The following PAG1 variants were observed in gnomAD, a reference collection of about 807,000 sequenced individuals.
PAG1 encodes the protein phosphoprotein associated with glycosphingolipid-enriched microdomains 1.
A neutral mutation model predicts 31.7 loss-of-function variants in PAG1; 23 were observed. The ratio of observed to expected loss-of-function variants is 0.73; its 90% CI spans 0.52 to 1.03. The LOEUF is 1.03. Ranked by LOEUF, PAG1 falls within the 50% of genes least tolerant of loss-of-function variation. PAG1 has a pLI of 0.00. For missense variants in PAG1, 473 were observed against 540.7 expected, an observed-to-expected ratio of 0.87 and a Z score of 1.24; for synonymous variants, 214 against 210.3, an observed-to-expected ratio of 1.02 and a Z score of -0.15.
In PAG1 at chr8:81,012,431, T is replaced by G. The variant is rs560116476; in HGVS notation, c.-81+17565A>C. 4.6e-5 allele frequency among the ~76,000 whole-genome samples: 7 copies of G among 152,350 alleles called. 1 individual carries two copies. Among genetic ancestry groups the G allele is most frequent in the South Asian group, 2.1e-4 (1 of 4,828 alleles). On this transcript the variant is annotated intron_variant, in intron 3 of 8. Coordinates refer to ENST00000220597, the MANE Select transcript of PAG1 (RefSeq NM_018440.4). ...TGCCATTCAGCATAGAAAAGTATAT[T>G]TGAAACCCCTACCAAAATCAGCTAC...
In PAG1 at chr8:80,980,501, G is replaced by C. The variant is rs1563614455; in HGVS notation, c.877-7C>G. The C allele has an allele frequency of 6.3e-7, 1 of 1,586,050 alleles. No individual in the cohort carries two copies. The highest frequency in any genetic ancestry group is 2.2e-5 in the East Asian group (1 of 44,726). On this transcript the variant is annotated splice_region_variant and splice_polypyrimidine_tract_variant and intron_variant, in intron 7 of 8. Coordinates refer to ENST00000220597, the MANE Select transcript of PAG1 (RefSeq NM_018440.4). ...ATGACAATGAGCTAAATCTCTGTCA[G>C]AACAAACACAAGCCAAGGAAAGTAA...
At chr8:81,034,370 C>A (rs1808428475) in intron 2 of PAG1, among the ~76,000 whole-genome samples, 1 of 152,344 alleles carries the variant, frequency 6.6e-6, no homozygotes, top group Non-Finnish European at 1.5e-5. Flanking sequence ...ACCTCTCTCA[C>A]TCACAGTCCC....
chr8:81,055,749 C>T (rs1469994645), intron 2 of PAG1, among the ~76,000 whole-genome samples: 2 of 152,152 alleles, frequency 1.3e-5, no homozygotes, highest in South Asian at 2.1e-4. Flanking sequence ...CATGATTTGG[C>T]TCTCTGTTTG....
chr8:80,987,992 A>G (rs1231822919), intron 5 of PAG1, among the ~76,000 whole-genome samples: 2 of 152,250 alleles, frequency 1.3e-5, no homozygotes, highest in African/African-American at 2.4e-5. Flanking sequence ...CAAGCGCTCA[A>G]TAGCCACATG....
In PAG1 at chr8:80,976,364, G is replaced by T. The variant is rs756259933; in HGVS notation, c.*180C>A. Reference sequence around the variant, plus strand: ...CAGGGGCACACTCAGGTGCAGCCTAGTCCGTACCTCTCTGTCTCAGAAACT... The same window carrying T: ...CAGGGGCACACTCAGGTGCAGCCTATTCCGTACCTCTCTGTCTCAGAAACT... On this transcript the variant is annotated 3_prime_UTR_variant, in exon 9 of 9. Coordinates refer to ENST00000220597, the MANE Select transcript of PAG1 (RefSeq NM_018440.4). The T allele has an allele frequency of 4.8e-6, 3 of 629,940 alleles. No individual in the cohort carries two copies. Among genetic ancestry groups the T allele is most frequent in the Non-Finnish European group, 8.1e-6 (3 of 369,624 alleles). 39.0% of individuals were successfully genotyped at this position (629,940 alleles called of 1,614,324 possible). A position where few individuals can be genotyped will look rare whatever the true frequency, so the allele number is the denominator to read the frequency against.
intron 3 of PAG1, among the ~76,000 whole-genome samples, chr8:80,996,136 G>T (rs941924024): frequency 6.6e-6 from 1 of 152,262 alleles, no homozygotes; most frequent in Non-Finnish European, 1.5e-5. Context: ...TGCGGGGGCA[G>T]CTTTCTCCTC....
At chr8:81,027,879 TG>T (rs1322645594) in intron 3 of PAG1, among the ~76,000 whole-genome samples, 1 of 125,694 alleles carries the variant, frequency 8.0e-6, no homozygotes, top group Non-Finnish European at 1.5e-5. Flanking sequence ...CACTCCAGCC[TG>T]GGCGACAGAG....
intron 1 of PAG1, among the ~76,000 whole-genome samples, chr8:81,110,843 C>T (rs1021486531): frequency 6.6e-6 from 1 of 152,196 alleles, no homozygotes; most frequent in Non-Finnish European, 1.5e-5. Context: ...TCAGCATTTT[C>T]AGTAAATACT....
In PAG1 at chr8:80,971,606, G is replaced by A. The variant is rs1807078700; in HGVS notation, c.*4938C>T. ...TAGCACATTTTAAAAAATACCCACA[G>A]TATATAACTGGCAAGCCAAAAAAAC... is the stretch of plus-strand genomic sequence containing the variant. On this transcript the variant is annotated 3_prime_UTR_variant, in exon 9 of 9. Coordinates refer to ENST00000220597, the MANE Select transcript of PAG1 (RefSeq NM_018440.4). 1 of 152,114 alleles carries A rather than the reference G, an allele frequency of 6.6e-6. No individual in the cohort carries two copies. Among genetic ancestry groups the A allele is most frequent in the Non-Finnish European group, 1.5e-5 (1 of 68,010 alleles). 9.4% of individuals were successfully genotyped at this position (152,114 alleles called of 1,614,324 possible). A position where few individuals can be genotyped will look rare whatever the true frequency, so the allele number is the denominator to read the frequency against.
intron 8 of PAG1, among the ~76,000 whole-genome samples, chr8:80,979,196 G>C (rs986665817): frequency 1.3e-5 from 2 of 152,114 alleles, no homozygotes; most frequent in African/African-American, 4.8e-5. Flanking sequence ...GTAAGATAAG[G>C]AGCAATTTAA....
At chr8:81,071,462 A>T (rs972245452) in intron 1 of PAG1, among the ~76,000 whole-genome samples, 4 of 152,170 alleles carry the variant, frequency 2.6e-5, no homozygotes, top group African/African-American at 9.7e-5. Flanking sequence ...GCTCAACAAC[A>T]CTGTGGGTGC....
intron 1 of PAG1, among the ~76,000 whole-genome samples, chr8:81,105,055 A>G (rs1809671588): frequency 6.6e-6 from 1 of 152,038 alleles, no homozygotes; most frequent in African/African-American, 2.4e-5. Context: ...CTCTCTCAGA[A>G]TAATTTCTCC....
At chr8:81,065,601 T>TA (rs1177478263) in intron 2 of PAG1, among the ~76,000 whole-genome samples, 1 of 152,066 alleles carries the variant, frequency 6.6e-6, no homozygotes. Flanking sequence ...AGACTGCTAA[T>TA]AAAAAACTGG....
Position 80,974,152 on chromosome 8 carries a change from G to GTTTTTTTTTTTTTTTTTTT in PAG1, c.*2373_*2391dup, listed in dbSNP as rs554932519. 1 of 115,378 alleles carries GTTTTTTTTTTTTTTTTTTT rather than the reference G, an allele frequency of 8.7e-6. No homozygotes were observed. Among genetic ancestry groups the GTTTTTTTTTTTTTTTTTTT allele is most frequent in the Non-Finnish European group, 1.7e-5 (1 of 57,806 alleles). The allele number at this position is 115,378 out of a possible 1,614,324, so 7.1% of individuals were successfully genotyped here. On this transcript the variant is annotated 3_prime_UTR_variant, in exon 9 of 9. Transcript: ENST00000220597. ...ATTATTTATGAGCTTTCTATAAAAA[G>GTTTTTTTTTTTTTTTTTTT]TTTTTTTTTTTTTTTTTTTTTTACT...
intron 2 of PAG1, among the ~76,000 whole-genome samples, chr8:81,059,274 C>CTTTTTTTTT (rs34306813): frequency 4.8e-5 from 7 of 146,732 alleles, no homozygotes; most frequent in Non-Finnish European, 3.0e-5. Context: ...GGCAAACATT[C>CTTTTTTTTT]TTTTTTTTTT....
At chr8:81,006,037 G>C (rs1807871340) in intron 3 of PAG1, among the ~76,000 whole-genome samples, 1 of 152,202 alleles carries the variant, frequency 6.6e-6, no homozygotes, top group South Asian at 2.1e-4. Context: ...CTGCCACCCA[G>C]GTTCAAGCAA....
intron 2 of PAG1, among the ~76,000 whole-genome samples, chr8:81,033,265 T>C (rs1366090045): frequency 2.6e-5 from 4 of 151,884 alleles, no homozygotes; most frequent in African/African-American, 7.3e-5. Context: ...ATCATGGGAG[T>C]TGTTACACTA....
chr8:80,980,339 G>A lies in PAG1; in HGVS notation c.936+96C>T. The A allele has an allele frequency of 2.8e-6, 2 of 715,228 alleles. 1 individual carries two copies. The highest frequency in any genetic ancestry group is 5.3e-4 in the Middle Eastern group (2 of 3,796). The allele number at this position is 715,228 out of a possible 1,614,324, so 44.3% of individuals were successfully genotyped here. A position where few individuals can be genotyped will look rare whatever the true frequency, so the allele number is the denominator to read the frequency against. On this transcript the variant is annotated intron_variant, in intron 8 of 8. Transcript: ENST00000220597. ...AACATAGGCATAGGAGAATATTTCA[G>A]CTCTTTCAAAGGGTAACATTACAGT... is the stretch of plus-strand genomic sequence containing the variant.
At chr8:81,082,666 C>T (rs890570375) in intron 1 of PAG1, among the ~76,000 whole-genome samples, 10 of 152,122 alleles carry the variant, frequency 6.6e-5, no homozygotes, top group Admixed American at 3.3e-4. Flanking sequence ...TTTCCCCTGT[C>T]CCCTGCATTC....
Sources: gnomAD v4.1 joint callset for allele counts (sites outside exome capture counted in the v4.1 genomes callset) on GRCh38, gnomAD v4.1.1 for gene constraint, MANE v1.5 for transcripts, NCBI Gene and HGNC (gene_info 2026-07-23, HGNC 2026-07-21) for gene names.